PPARGC1A: variants seen among roughly 807,000 people sequenced by gnomAD.
PPARGC1A encodes the protein PPARG coactivator 1 alpha.
A neutral mutation model predicts 88.7 loss-of-function variants in PPARGC1A; 25 were observed. That is an observed-to-expected ratio of 0.28 (90% CI 0.21 to 0.39). The LOEUF is 0.39. Among genes scored for constraint, PPARGC1A ranks in the 10% least tolerant of loss-of-function variants. The pLI is 1.00. For missense variants in PPARGC1A, 880 were observed against 968.7 expected (o/e 0.91, Z 1.22); for synonymous variants, 363 against 355.6 (o/e 1.02, Z -0.24).
At chr4:24,245,987 G>T in the PPARGC1A span, among the ~76,000 whole-genome samples, 1 of 151,284 alleles carries the variant, frequency 6.6e-6, no homozygotes, top group Non-Finnish European at 1.5e-5. Flanking sequence ...TACTGTTGTT[G>T]TTTTGAAAGT....
chr4:24,332,848 A>G, the PPARGC1A span, among the ~76,000 whole-genome samples: 1 of 152,256 alleles, frequency 6.6e-6, no homozygotes, highest in Non-Finnish European at 1.5e-5. Flanking sequence ...GCTGAGTCTC[A>G]GTTTCCTCAA....
chr4:23,928,771 A>AAAAAAAAAAAAAC, the PPARGC1A span, among the ~76,000 whole-genome samples: 3 of 2,344 alleles, frequency 1.3e-3, no homozygotes, highest in African/African-American at 1.7e-3. Flanking sequence ...CAAAAAAAAC[A>AAAAAAAAAAAAAC]AAAAAAAACA....
At chr4:24,285,844 T>G in the PPARGC1A span, among the ~76,000 whole-genome samples, 1 of 152,182 alleles carries the variant, frequency 6.6e-6, no homozygotes, top group Non-Finnish European at 1.5e-5. Flanking sequence ...GTCATGAGGA[T>G]AAAAATATGT....
chr4:24,299,066 CAAG>C, the PPARGC1A span, among the ~76,000 whole-genome samples: 5 of 152,170 alleles, frequency 3.3e-5, no homozygotes, highest in African/African-American at 9.6e-5. Context: ...GTCTCATTAC[CAAG>C]AAGGGGATAA....
the PPARGC1A span, among the ~76,000 whole-genome samples, chr4:24,145,708 C>T: frequency 2.6e-5 from 4 of 152,182 alleles, no homozygotes; most frequent in Non-Finnish European, 5.9e-5. Flanking sequence ...TATAAACACT[C>T]AGTATGAGAC....
At chr4:23,900,391 T>G (rs1222695393), upstream of PPARGC1A, among the ~76,000 whole-genome samples, 2 of 152,084 alleles carry the variant, frequency 1.3e-5, no homozygotes, top group Non-Finnish European at 2.9e-5. Context: ...TATCTATCTG[T>G]AGGAACTCAA....
the PPARGC1A span, among the ~76,000 whole-genome samples, chr4:24,018,733 C>A: frequency 6.6e-6 from 1 of 151,682 alleles, no homozygotes; most frequent in South Asian, 2.1e-4. Context: ...GTTCACATCC[C>A]AAATCTCTGA....
chr4:24,100,701 A>G, the PPARGC1A span, among the ~76,000 whole-genome samples: 1 of 152,220 alleles, frequency 6.6e-6, no homozygotes, highest in Non-Finnish European at 1.5e-5. Context: ...AAAATAAATT[A>G]AACTATGAAA....
chr4:24,045,260 T>C, the PPARGC1A span, among the ~76,000 whole-genome samples: 1 of 152,154 alleles, frequency 6.6e-6, no homozygotes, highest in Admixed American at 6.5e-5. Context: ...AATATTGTAA[T>C]ATAAATATAT....
At chr4:23,830,635 A>G (rs935020509) in intron 3 of PPARGC1A, among the ~76,000 whole-genome samples, 3 of 152,222 alleles carry the variant, frequency 2.0e-5, no homozygotes, top group Non-Finnish European at 4.4e-5. Context: ...AAACTTAGTG[A>G]TAGGAGAGTA....
chr4:24,259,120 C>A, the PPARGC1A span, among the ~76,000 whole-genome samples: 1 of 151,834 alleles, frequency 6.6e-6, no homozygotes, highest in Non-Finnish European at 1.5e-5. Context: ...GAAAATATTC[C>A]AAAAAAAGGA....
At chr4:24,057,983 G>A in the PPARGC1A span, among the ~76,000 whole-genome samples, 47,117 of 152,142 alleles carry the variant, frequency 0.31, 7,784 homozygotes, top group South Asian at 0.41. Flanking sequence ...AGAGGGAAGC[G>A]AGTGATTGAT....
chr4:24,069,596 T>G, the PPARGC1A span, among the ~76,000 whole-genome samples: 1 of 152,216 alleles, frequency 6.6e-6, no homozygotes, highest in Non-Finnish European at 1.5e-5. Context: ...TAATCAGGTC[T>G]TGTCTTCCCC....
chr4:23,915,048 T>C, the PPARGC1A span, among the ~76,000 whole-genome samples: 4 of 152,270 alleles, frequency 2.6e-5, no homozygotes, highest in African/African-American at 7.2e-5. Context: ...TCCAAGGAAG[T>C]TCCATAAAAC....
At chr4:24,203,002 CTCTT>C in the PPARGC1A span, among the ~76,000 whole-genome samples, 6 of 152,146 alleles carry the variant, frequency 3.9e-5, no homozygotes, top group African/African-American at 1.2e-4. Context: ...CAGAAAGAGG[CTCTT>C]TCTCCAGAAA....
the PPARGC1A span, among the ~76,000 whole-genome samples, chr4:24,341,912 G>A: frequency 1.3e-5 from 2 of 152,298 alleles, no homozygotes; most frequent in East Asian, 3.9e-4. Flanking sequence ...CTGGAGTTCA[G>A]TGAACAAGCA....
the PPARGC1A span, among the ~76,000 whole-genome samples, chr4:23,937,981 T>G: frequency 6.6e-6 from 1 of 152,168 alleles, no homozygotes; most frequent in African/African-American, 2.4e-5. Context: ...CAGAATAATA[T>G]GCGTAAACAC....
the PPARGC1A span, among the ~76,000 whole-genome samples, chr4:24,048,757 C>T: frequency 6.6e-6 from 1 of 152,138 alleles, no homozygotes; most frequent in South Asian, 2.1e-4. Flanking sequence ...TAATTTCTGT[C>T]AAGCTTTCCA....
the PPARGC1A span, among the ~76,000 whole-genome samples, chr4:24,355,514 CA>C: frequency 6.6e-6 from 1 of 152,108 alleles, no homozygotes; most frequent in Non-Finnish European, 1.5e-5. Flanking sequence ...GCCCCTTCTA[CA>C]AAATCCCAGG....
Sources: gnomAD v4.1 joint callset for allele counts (sites outside exome capture counted in the v4.1 genomes callset) on GRCh38, gnomAD v4.1.1 for gene constraint, MANE v1.5 for transcripts, NCBI Gene and HGNC (gene_info 2026-07-23, HGNC 2026-07-21) for gene names.